The following DEGS1 variants were observed in gnomAD, a reference collection of about 807,000 sequenced individuals.
DEGS1 encodes the protein delta 4-desaturase, sphingolipid 1, also known as sphingolipid delta(4)-desaturase DES1.
Under a neutral mutation model 24.1 loss-of-function variants are expected in DEGS1, and 17 were observed. That is an observed-to-expected ratio of 0.70 (90% CI 0.48 to 1.06). DEGS1 has a LOEUF of 1.06. Ranked by LOEUF, DEGS1 falls within the 50% of genes least tolerant of loss-of-function variation. The probability of loss-of-function intolerance (pLI) is 0.00; values close to 1 mark genes in which losing one functional copy is unlikely to be tolerated. For missense variants in DEGS1, 366 were observed against 408.9 expected, an observed-to-expected ratio of 0.90 and a Z score of 0.91; for synonymous variants, 134 against 140.0, an observed-to-expected ratio of 0.96 and a Z score of 0.30.
chr1:224,186,377 A>C (rs772715434), intron 1 of DEGS1, among the ~76,000 whole-genome samples: 1 of 151,904 alleles, frequency 6.6e-6, no homozygotes, highest in African/African-American at 2.4e-5. Flanking sequence ...TTTTCCCCCC[A>C]CAGACTTATC....
At chr1:224,187,101 A>T (rs1658414077) in intron 1 of DEGS1, among the ~76,000 whole-genome samples, 1 of 152,144 alleles carries the variant, frequency 6.6e-6, no homozygotes, top group Non-Finnish European at 1.5e-5. Flanking sequence ...TGAGGTCAGG[A>T]GTTCAAGACC....
At chr1:224,191,778 G>A (rs767341936) in intron 2 of DEGS1, among the ~76,000 whole-genome samples, 5 of 151,726 alleles carry the variant, frequency 3.3e-5, no homozygotes, top group African/African-American at 4.8e-5. Context: ...TGTATTTTTA[G>A]TAGAGATGGG....
rs762965675 is a variant in DEGS1 at position 224,192,463 on chromosome 1, G to C, written c.957G>C (p.Glu319Asp). ...YSRMKRHQKGEMVLE is the reference protein window; with the variant it reads ...YSRMKRHQKGDMVLE ...GAATGAAGAGGCACCAAAAAGGAGA[G>C]ATGGTGCTGGAGTAAATATCATTAG... Residue 319 changes from glutamate (E) to aspartate (D), a missense_variant, in exon 3 of 3, where the codon GAG becomes GAC. By Grantham distance (45) the Glu-to-Asp change is conservative (BLOSUM62 2). Coordinates refer to ENST00000323699, the MANE Select transcript of DEGS1 (RefSeq NM_003676.4). The C allele has an allele frequency of 3.7e-6, 6 of 1,611,454 alleles. No individual in the cohort carries two copies. In the South Asian group the frequency reaches 5.5e-5, roughly 15 times the overall value.
chr1:224,189,885 C>G lies in DEGS1; in HGVS notation c.391C>G (p.His131Asp). ...SISFKRYHMDHHRYLGADGVD... is the reference protein window; with the variant it reads ...SISFKRYHMDDHRYLGADGVD... ...TTCCTTTAAGAGGTATCACATGGATCATCATCGGTACCTTGGAGCTGATGG... is the reference window on the plus strand; with the variant it reads ...TTCCTTTAAGAGGTATCACATGGATGATCATCGGTACCTTGGAGCTGATGG... The change falls in exon 2 of 3, where the codon CAT becomes GAT. Residue 131 changes from histidine to aspartate, a missense_variant. Coordinates refer to ENST00000323699, the MANE Select transcript of DEGS1 (RefSeq NM_003676.4). The G allele has an allele frequency of 6.2e-7, 1 of 1,614,188 alleles. No individual in the cohort carries two copies. Among genetic ancestry groups the G allele is most frequent in the Non-Finnish European group, 8.5e-7 (1 of 1,180,032 alleles).
chr1:224,190,396 C>A, intron 2 of DEGS1, 77 bp downstream of exon 2: 1 of 1,334,246 alleles, frequency 7.5e-7, no homozygotes, highest in Non-Finnish European at 9.8e-7. Context: ...CTCACTCAGT[C>A]GCCCAGGCTG....
intron 1 of DEGS1, among the ~76,000 whole-genome samples, chr1:224,186,621 G>A (rs1572041111): frequency 6.6e-6 from 1 of 151,240 alleles, no homozygotes; most frequent in Admixed American, 6.6e-5. Context: ...GCCGAGGCAG[G>A]AGAATGGCGT....
Position 224,187,684 on chromosome 1 carries a change from T to C in DEGS1, c.83-1893T>C, listed in dbSNP as rs189674262. On this transcript the variant is annotated intron_variant, in intron 1 of 2. Transcript: ENST00000323699. Reference sequence around the variant, plus strand: ...CTTTATTGAGATTATAATTCAACTATCATGATTTATTCATTTAAAGTGTAC... The same window carrying C: ...CTTTATTGAGATTATAATTCAACTACCATGATTTATTCATTTAAAGTGTAC... Among the ~76,000 whole-genome samples, 4 of 152,224 alleles carry C rather than the reference T, an allele frequency of 2.6e-5. No homozygotes were observed. In the East Asian group the frequency reaches 5.8e-4, roughly 22 times the overall value.
At chr1:224,187,841 G>A (rs1658434866) in intron 1 of DEGS1, among the ~76,000 whole-genome samples, 1 of 151,966 alleles carries the variant, frequency 6.6e-6, no homozygotes, top group Non-Finnish European at 1.5e-5. Context: ...TTCTACCTAG[G>A]TAACCACTAA....
At position 224,183,256 on chromosome 1, in the gene DEGS1, A is replaced by AGCC. The variant is rs531583910; in HGVS notation, c.-65_-63dup. ...CCGGCCGACACCACACCAGCCGGGG[A>AGCC]GCCGCCGCCGCCGCCGCCACCTCTG... is the stretch of plus-strand genomic sequence containing the variant. On this transcript the variant is annotated 5_prime_UTR_variant, in exon 1 of 3. Transcript: ENST00000323699. 5,171 of 1,295,808 alleles carry AGCC rather than the reference A, an allele frequency of 4.0e-3. 16 individuals carry two copies. The highest frequency in any genetic ancestry group is 7.7e-3 in the East Asian group (244 of 31,502). 80.3% of individuals were successfully genotyped at this position (1,295,808 alleles called of 1,614,324 possible). A position where few individuals can be genotyped will look rare whatever the true frequency, so the allele number is the denominator to read the frequency against.
rs1658572912 is a variant in DEGS1 at position 224,192,657 on chromosome 1, G to C, written c.*179G>C. ...TAAACAGTCAGCCTGACTCTGTACT[G>C]CTCAGTTTCACTCACAGGAAACTTG... On this transcript the variant is annotated 3_prime_UTR_variant, in exon 3 of 3. Coordinates refer to ENST00000323699, the MANE Select transcript of DEGS1 (RefSeq NM_003676.4). 1 of 563,170 alleles carries C rather than the reference G, an allele frequency of 1.8e-6. No homozygotes were observed. The allele number at this position is 563,170 out of a possible 1,614,324, so 34.9% of individuals were successfully genotyped here.
At chr1:224,190,811 A>C (rs941878647) in intron 2 of DEGS1, among the ~76,000 whole-genome samples, 22 of 151,426 alleles carry the variant, frequency 1.5e-4, no homozygotes, top group African/African-American at 5.1e-4. Context: ...TGCAGCCTCA[A>C]CTCCTGGGTC....
intron 1 of DEGS1, among the ~76,000 whole-genome samples, chr1:224,187,620 G>A (rs1658430526): frequency 6.6e-6 from 1 of 152,128 alleles, no homozygotes; most frequent in Non-Finnish European, 1.5e-5. Flanking sequence ...CTCCCAAAGT[G>A]CTGGATTAAT....
intron 1 of DEGS1, among the ~76,000 whole-genome samples, chr1:224,187,154 A>C (rs935078555): frequency 2.0e-5 from 3 of 151,982 alleles, no homozygotes; most frequent in African/African-American, 4.8e-5. Flanking sequence ...CTAAAAATAC[A>C]AAAATTAGCT....
intron 1 of DEGS1, among the ~76,000 whole-genome samples, chr1:224,187,852 T>A (rs1658435101): frequency 6.6e-6 from 1 of 152,178 alleles, no homozygotes; most frequent in Non-Finnish European, 1.5e-5. Flanking sequence ...TAACCACTAA[T>A]CTACTTTGTG....
intron 1 of DEGS1, among the ~76,000 whole-genome samples, chr1:224,188,084 T>A (rs1572042102): frequency 6.6e-6 from 1 of 152,016 alleles, no homozygotes; most frequent in Non-Finnish European, 1.5e-5. Flanking sequence ...TGTGAGCCAC[T>A]GCACCCAGCC....
At chr1:224,186,519 C>T (rs1426095125) in intron 1 of DEGS1, among the ~76,000 whole-genome samples, 4 of 152,072 alleles carry the variant, frequency 2.6e-5, no homozygotes, top group African/African-American at 9.7e-5. Flanking sequence ...CGAGACCATC[C>T]TGGCTAACAC....
intron 1 of DEGS1, among the ~76,000 whole-genome samples, chr1:224,188,429 T>A (rs1658449066): frequency 6.6e-6 from 1 of 152,214 alleles, no homozygotes; most frequent in Non-Finnish European, 1.5e-5. Flanking sequence ...TTTGAGGAAC[T>A]GCTGTACAGT....
At position 224,192,314 on chromosome 1, in the gene DEGS1, G is replaced by GT. The variant is rs1290190002; in HGVS notation, c.826-17dup. On this transcript the variant is annotated splice_polypyrimidine_tract_variant and intron_variant, in intron 2 of 2. Transcript: ENST00000323699. The stretch of plus-strand genomic sequence containing the variant: ...AGTAACACTCATTTTTCATCTTGCT[G>GT]TATTTTTTCCCTTCTAGGTGAGGAA... 1 of 1,598,928 alleles carries GT rather than the reference G, an allele frequency of 6.3e-7. No individual in the cohort carries two copies. The highest frequency in any genetic ancestry group is 1.1e-5 in the South Asian group (1 of 88,182).
At chr1:224,187,805 C>T (rs986648393) in intron 1 of DEGS1, among the ~76,000 whole-genome samples, 15 of 152,150 alleles carry the variant, frequency 9.9e-5, no homozygotes, top group African/African-American at 3.6e-4. Flanking sequence ...ACCCTATACT[C>T]ATTAGCAGTC....
Sources: gnomAD v4.1 joint callset for allele counts (sites outside exome capture counted in the v4.1 genomes callset) on GRCh38, gnomAD v4.1.1 for gene constraint, MANE v1.5 for transcripts, NCBI Gene and HGNC (gene_info 2026-07-23, HGNC 2026-07-21) for gene names.